ACSM5: variants seen among roughly 807,000 people sequenced by gnomAD.
The protein encoded by ACSM5 is acyl-CoA synthetase medium chain family member 5, also known as acyl-coenzyme A synthetase ACSM5, mitochondrial.
In ACSM5, 56 loss-of-function variants were observed where a neutral mutation model predicts 71.6. That is an observed-to-expected ratio of 0.78 (90% confidence interval 0.63 to 0.98). The LOEUF (loss-of-function observed/expected upper bound fraction) is 0.98. Among genes scored for constraint, ACSM5 ranks in the 50% least tolerant of loss-of-function variants. The probability of loss-of-function intolerance (pLI) is 0.00; values close to 1 mark genes in which losing one functional copy is unlikely to be tolerated. For missense variants in ACSM5, 723 were observed against 726.0 expected (o/e 1.00, Z 0.05); for synonymous variants, 285 against 281.5 (o/e 1.01, Z -0.12).
intron 7 of ACSM5, among the ~76,000 whole-genome samples, chr16:20,428,324 G>A (rs1448210626): frequency 7.9e-5 from 12 of 152,164 alleles, no homozygotes; most frequent in African/African-American, 2.2e-4. Context: ...TAACAAGCCC[G>A]CACCGCAGTA....
intron 2 of ACSM5, 181 bp downstream of exon 2, chr16:20,411,869 A>C (rs1966848508): frequency 1.6e-6 from 1 of 629,482 alleles, no homozygotes; most frequent in African/African-American, 1.8e-5. Flanking sequence ...CAGTGTTGTG[A>C]GCCTTAGACA....
intron 12 of ACSM5, among the ~76,000 whole-genome samples, chr16:20,437,866 A>C: frequency 6.6e-6 from 1 of 151,200 alleles, no homozygotes; most frequent in East Asian, 1.9e-4. Context: ...TGTGTTGTCC[A>C]GGCTGAAGTG....
intron 7 of ACSM5, among the ~76,000 whole-genome samples, chr16:20,429,131 A>C (rs12927317): frequency 5.3e-5 from 8 of 151,948 alleles, no homozygotes; most frequent in Non-Finnish European, 1.2e-4. Context: ...CCACTTCAAC[A>C]TTCCAAGTAG....
At chr16:20,417,282 C>A (rs1355380481) in intron 2 of ACSM5, among the ~76,000 whole-genome samples, 1 of 152,084 alleles carries the variant, frequency 6.6e-6, no homozygotes, top group Non-Finnish European at 1.5e-5. Context: ...TTTATAATAG[C>A]CAAAAAGTGG....
intron 2 of ACSM5, among the ~76,000 whole-genome samples, chr16:20,413,652 C>T (rs1966851478): frequency 6.6e-6 from 1 of 152,186 alleles, no homozygotes; most frequent in African/African-American, 2.4e-5. Flanking sequence ...TATTGTATTC[C>T]TGGAAATCTA....
intron 6 of ACSM5, among the ~76,000 whole-genome samples, chr16:20,427,076 G>T (rs1225442685): frequency 1.2e-4 from 18 of 151,756 alleles, no homozygotes; most frequent in African/African-American, 4.1e-4. Context: ...GCCAAGGCGG[G>T]TGAATCATGA....
At chr16:20,425,430 A>T (rs558591324) in intron 6 of ACSM5, among the ~76,000 whole-genome samples, 164 of 151,550 alleles carry the variant, frequency 1.1e-3, no homozygotes, top group Middle Eastern at 3.4e-3. Context: ...TTCTTTTTTT[A>T]AAAAAAAATT....
Position 20,432,605 on chromosome 16 carries a change from A to G in ACSM5, c.1308+1284A>G, listed in dbSNP as rs181706882. 9.6e-4 allele frequency among the ~76,000 whole-genome samples: 146 copies of G among 152,268 alleles called. 1 individual carries two copies. The highest frequency in any genetic ancestry group is 3.2e-3 in the African/African-American group (134 of 41,544). ...GTAAATCTTTGACCCCACTGAAAAA[A>G]TGCATTCATTCATTATTTATTGTCG... is the stretch of plus-strand genomic sequence containing the variant. On this transcript the variant is annotated intron_variant, in intron 10 of 13. Coordinates refer to ENST00000331849, the MANE Select transcript of ACSM5 (RefSeq NM_017888.3).
Position 20,427,857 on chromosome 16 carries a change from G to T in ACSM5, c.991G>T (p.Asp331Tyr), listed in dbSNP as rs776021394. ...CATCTTTCGGCTGCTTGTGCAGGAGGATCTGACCAGGTACAGCCCGTCTAT... is the reference window on the plus strand; with the variant it reads ...CATCTTTCGGCTGCTTGTGCAGGAGTATCTGACCAGGTACAGCCCGTCTAT... ...PTIFRLLVQE[D>Y]LTRYQFQSLR... The change falls in exon 7 of 14, where the codon GAT becomes TAT. Residue 331 changes from aspartate (D) to tyrosine (Y), a missense_variant. Coordinates refer to ENST00000331849, the MANE Select transcript of ACSM5 (RefSeq NM_017888.3). 6.2e-7 allele frequency: 1 copy of T among 1,613,502 alleles called. No homozygotes were observed. The highest frequency in any genetic ancestry group is 8.5e-7 in the Non-Finnish European group (1 of 1,179,566).
rs528774222 is a variant in ACSM5 at position 20,431,957 on chromosome 16, T to A, written c.1308+636T>A. Among the ~76,000 whole-genome samples the A allele has an allele frequency of 4.5e-3, 662 of 147,430 alleles. 10 individuals carry two copies. The highest frequency in any genetic ancestry group is 7.0e-3 in the Middle Eastern group (2 of 284). On this transcript the variant is annotated intron_variant, in intron 10 of 13. Transcript: ENST00000331849. ...GAGACTCCGTATCAAAAAAAAAAAATAATAATAATAATAAAATAAATAAAT... is the reference window on the plus strand; with the variant it reads ...GAGACTCCGTATCAAAAAAAAAAAAAAATAATAATAATAAAATAAATAAAT...
intron 6 of ACSM5, 35 bp from the exon 7 acceptor site, chr16:20,427,753 T>A (rs189499468): frequency 4.2e-6 from 6 of 1,445,670 alleles, no homozygotes; most frequent in Non-Finnish European, 5.8e-6. Context: ...CCCCAATGAT[T>A]CTAAGGACAT....
intron 6 of ACSM5, among the ~76,000 whole-genome samples, chr16:20,424,956 G>C (rs578103506): frequency 1.3e-5 from 2 of 152,056 alleles, no homozygotes; most frequent in South Asian, 4.2e-4. Flanking sequence ...TAGAGAATGG[G>C]GTATCCATAC....
chr16:20,416,081 A>C (rs1459254686), intron 2 of ACSM5, among the ~76,000 whole-genome samples: 2 of 152,190 alleles, frequency 1.3e-5, no homozygotes, highest in Non-Finnish European at 2.9e-5. Flanking sequence ...AATAAACTGG[A>C]AAAGATGTAA....
chr16:20,429,686 T>C lies in ACSM5; in HGVS notation c.1010T>C (p.Phe337Ser), dbSNP rs777863462. ...LVQEDLTRYQ[F>S]QSLRHCLTGG... Reference sequence around the variant, plus strand: ...TTTCCTGTCTGAGAAAGGTACCAGTTTCAGAGCCTGAGGCACTGTCTGACC... The same window carrying C: ...TTTCCTGTCTGAGAAAGGTACCAGTCTCAGAGCCTGAGGCACTGTCTGACC... The change falls in exon 8 of 14, where the codon TTT becomes TCT. Residue 337 changes from phenylalanine to serine, a missense_variant. Phe to Ser is a radical substitution (Grantham distance 155). Transcript: ENST00000331849. 1 of 1,613,806 alleles carries C rather than the reference T, an allele frequency of 6.2e-7. No individual in the cohort carries two copies. Among genetic ancestry groups the C allele is most frequent in the East Asian group, 2.2e-5 (1 of 44,848 alleles).
chr16:20,431,020 A>C lies in ACSM5; in HGVS notation c.1153A>C (p.Met385Leu). The C allele has an allele frequency of 6.2e-7, 1 of 1,613,952 alleles. No homozygotes were observed. The highest frequency in any genetic ancestry group is 8.5e-7 in the Non-Finnish European group (1 of 1,179,890). ...TVVICANPKGMKIKSGSMGKA... is the reference protein window; with the variant it reads ...TVVICANPKGLKIKSGSMGKA... ...TGTCATCTGTGCCAATCCAAAAGGC[A>C]TGAAAATCAAGTCTGGATCCATGGG... is the stretch of plus-strand genomic sequence containing the variant. The change falls in exon 9 of 14, where the codon ATG becomes CTG. Residue 385 changes from methionine to leucine, a missense_variant. Met to Leu is a conservative substitution (Grantham distance 15). Transcript: ENST00000331849.
At chr16:20,431,393 T>C (rs1967098548) in intron 10 of ACSM5, 72 bp downstream of exon 10, 2 of 1,231,166 alleles carry the variant, frequency 1.6e-6, no homozygotes, top group African/African-American at 3.0e-5. Flanking sequence ...ACTTTGTAAA[T>C]ATCTATTTGT....
At chr16:20,439,772 C>A in intron 12 of ACSM5, 28 bp from the exon 13 acceptor site, 3 of 1,604,404 alleles carry the variant, frequency 1.9e-6, no homozygotes, top group South Asian at 1.1e-5. Context: ...GAGGCCTGAT[C>A]TTTTCTGGGT....
rs1490323126 is a variant in ACSM5, at chr16:20,440,634, C to T, written c.*207C>T. On this transcript the variant is annotated 3_prime_UTR_variant, in exon 14 of 14. Transcript: ENST00000331849. The stretch of plus-strand genomic sequence containing the variant: ...CCCTGATCACATAGATGCTGCGCCG[C>T]CTAGCAAATGCTTGGTGGTTCGACT... The T allele has an allele frequency of 2.3e-5, 12 of 516,242 alleles. No individual in the cohort carries two copies. Among genetic ancestry groups the T allele is most frequent in the Non-Finnish European group, 4.3e-5 (12 of 277,146 alleles). 32.0% of individuals were successfully genotyped at this position (516,242 alleles called of 1,614,324 possible).
At chr16:20,422,755 C>T (rs112054641) in intron 5 of ACSM5, among the ~76,000 whole-genome samples, 6,767 of 151,994 alleles carry the variant, frequency 0.045, 160 homozygotes, top group South Asian at 0.061. Context: ...GGTAGCTTGC[C>T]CGGGGAGCAG....
Sources: gnomAD v4.1 joint callset for allele counts (sites outside exome capture counted in the v4.1 genomes callset) on GRCh38, gnomAD v4.1.1 for gene constraint, MANE v1.5 for transcripts, NCBI Gene and HGNC (gene_info 2026-07-23, HGNC 2026-07-21) for gene names.